SECISBP2: variants seen among roughly 807,000 people sequenced by gnomAD.
The protein encoded by SECISBP2 is SECIS binding protein 2.
Under a neutral mutation model 98.2 loss-of-function variants are expected in SECISBP2, and 96 were observed. The ratio of observed to expected loss-of-function variants is 0.98; its 90% CI spans 0.83 to 1.16. SECISBP2 has a LOEUF of 1.16. Among genes scored for constraint, SECISBP2 ranks in the 50% most tolerant of loss-of-function variants. The pLI, the probability that SECISBP2 is intolerant of heterozygous loss-of-function variation, is 0.00. For synonymous variants in SECISBP2, 407 were observed against 370.2 expected (o/e 1.10, Z -1.14); for missense variants, 1,046 against 1,022.9 (o/e 1.02, Z -0.31).
intron 2 of SECISBP2, chr9:89,322,678 GAGA>G (rs1429815393): frequency 9.2e-5 from 14 of 152,212 alleles, no homozygotes; most frequent in African/African-American, 2.2e-4. Context: ...GATCAGCTAT[GAGA>G]AGAACTAGTG....
chr9:89,319,294 T>C (rs956182290), intron 1 of SECISBP2, among the ~76,000 whole-genome samples: 2 of 152,210 alleles, frequency 1.3e-5, no homozygotes, highest in Admixed American at 1.3e-4. Context: ...AGTTAAACAG[T>C]CCACGTGTAT....
In SECISBP2 at chr9:89,328,859, A is replaced by G. The variant is rs1212698442; in HGVS notation, c.774A>G (p.Val258=). The change falls in exon 5 of 17, where the codon GTA becomes GTG. Residue 258 remains valine, a synonymous_variant. Coordinates refer to ENST00000375807, the MANE Select transcript of SECISBP2 (RefSeq NM_024077.5). The part of the protein sequence containing the change: ...VSTDISLLRE[V]VKPAAVLSKG... Reference sequence around the variant, plus strand: ...CCGACATTTCTCTTCTAAGAGAAGTAGTAAAACCAGCTGCAGTGTTATCAA... The same window carrying G: ...CCGACATTTCTCTTCTAAGAGAAGTGGTAAAACCAGCTGCAGTGTTATCAA... The G allele has an allele frequency of 2.5e-6, 4 of 1,613,826 alleles. No homozygotes were observed. Among genetic ancestry groups the G allele is most frequent in the Non-Finnish European group, 3.4e-6 (4 of 1,179,778 alleles).
intron 13 of SECISBP2, among the ~76,000 whole-genome samples, chr9:89,350,411 G>A (rs1406086589): frequency 1.3e-5 from 2 of 152,222 alleles, no homozygotes; most frequent in African/African-American, 4.8e-5. Context: ...AGGGCCCAGA[G>A]AAATTTGTCC....
intron 14 of SECISBP2, among the ~76,000 whole-genome samples, chr9:89,355,849 C>T (rs1831986059): frequency 6.6e-6 from 1 of 152,224 alleles, no homozygotes; most frequent in African/African-American, 2.4e-5. Flanking sequence ...TGCTGTTCCT[C>T]ACATGCTGTT....
intron 14 of SECISBP2, chr9:89,356,955 C>T (rs1170202179): frequency 7.2e-6 from 2 of 277,862 alleles, no homozygotes; most frequent in Non-Finnish European, 1.4e-5. Flanking sequence ...GTGCACCAGC[C>T]TTGGCTGGTC....
chr9:89,321,126 T>C (rs1825732680), intron 2 of SECISBP2, among the ~76,000 whole-genome samples: 1 of 152,252 alleles, frequency 6.6e-6, no homozygotes, highest in South Asian at 2.1e-4. Context: ...ATTTTTCCAC[T>C]GTATTTCATC....
At chr9:89,363,753 C>T (rs373206900), downstream of SECISBP2, 1 of 1,612,868 alleles carries the variant, frequency 6.2e-7, no homozygotes, top group African/African-American at 1.3e-5. Context: ...GGTCTCATCA[C>T]AGCAACCTGC....
intron 2 of SECISBP2, among the ~76,000 whole-genome samples, chr9:89,320,546 C>A (rs1455895149): frequency 6.6e-6 from 1 of 152,070 alleles, no homozygotes; most frequent in African/African-American, 2.4e-5. Context: ...GGACTAGCAA[C>A]CATAGCTGCC....
chr9:89,320,027 G>T (rs1825448855), intron 2 of SECISBP2, among the ~76,000 whole-genome samples: 1 of 152,054 alleles, frequency 6.6e-6, no homozygotes, highest in African/African-American at 2.4e-5. Flanking sequence ...TTTCGGCAAA[G>T]AAATAGTAGA....
chr9:89,333,950 G>T (rs1283076477), intron 6 of SECISBP2: 3 of 896,900 alleles, frequency 3.3e-6, no homozygotes, highest in Non-Finnish European at 2.7e-6. Flanking sequence ...TTTACCCTTG[G>T]GGGTAGCCAC....
chr9:89,348,279 A>G (rs959045956), intron 12 of SECISBP2, 65 bp downstream of exon 12: 5 of 1,587,534 alleles, frequency 3.1e-6, no homozygotes, highest in Admixed American at 3.3e-5. Flanking sequence ...AGGATGAGCT[A>G]TGCTGAGCAA....
Position 89,350,805 on chromosome 9 carries a change from T to C in SECISBP2, c.2066T>C (p.Leu689Pro). ...CTCAAACACCTGAAGCTCAAAAAACTGAAATGTGTCATTATTTCTCCCAAC... is the reference window on the plus strand; with the variant it reads ...CTCAAACACCTGAAGCTCAAAAAACCGAAATGTGTCATTATTTCTCCCAAC... Reference protein sequence around the residue: ...EVLKHLKLKKLKCVIISPNCE... With the variant: ...EVLKHLKLKKPKCVIISPNCE... The change falls in exon 14 of 17, where the codon CTG becomes CCG. Residue 689 changes from leucine to proline, a missense_variant. By Grantham distance (98) the Leu-to-Pro change is moderately conservative. Transcript: ENST00000375807. 1 of 1,614,172 alleles carries C rather than the reference T, an allele frequency of 6.2e-7. No homozygotes were observed. Among genetic ancestry groups the C allele is most frequent in the Non-Finnish European group, 8.5e-7 (1 of 1,180,030 alleles).
intron 2 of SECISBP2, 38 bp downstream of exon 2, chr9:89,319,835 A>G (rs1825402172): frequency 3.7e-6 from 6 of 1,607,008 alleles, no homozygotes; most frequent in Non-Finnish European, 5.1e-6. Flanking sequence ...AGGGGCTTAC[A>G]TTTTGGATTT....
rs768205489 is a variant in SECISBP2, at chr9:89,334,658, AC to A, written c.1019del (p.Pro340HisfsTer56). ...SSADPKNVSI[P>X]SSEALSSDPS... ...CAGCAGATCCTAAAAATGTTAGTAT[AC>A]CATCTTCTGAAGCTTTATCTTCGGA... On this transcript the variant is annotated frameshift_variant, in exon 7 of 17. Transcript: ENST00000375807. LOFTEE classifies it high-confidence loss of function. 1.2e-6 allele frequency: 2 copies of A among 1,614,130 alleles called. No individual in the cohort carries two copies. The highest frequency in any genetic ancestry group is 1.7e-6 in the Non-Finnish European group (2 of 1,179,988).
intron 9 of SECISBP2, 55 bp from the exon 10 acceptor site, chr9:89,341,287 AAAAAG>A: frequency 2.6e-6 from 4 of 1,511,178 alleles, no homozygotes; most frequent in Non-Finnish European, 3.6e-6. Context: ...AGTTTTTTGT[AAAAAG>A]AAAAGCACAG....
At chr9:89,350,291 C>G (rs1003461939) in intron 13 of SECISBP2, among the ~76,000 whole-genome samples, 1 of 152,224 alleles carries the variant, frequency 6.6e-6, no homozygotes, top group African/African-American at 2.4e-5. Context: ...ACTCTGCCTT[C>G]TCCCCTGCCC....
intron 4 of SECISBP2, among the ~76,000 whole-genome samples, chr9:89,326,324 C>G (rs753202453): frequency 1.8e-4 from 28 of 152,212 alleles, no homozygotes; most frequent in Admixed American, 3.9e-4. Context: ...TGACTTCACT[C>G]ATAAACCATC....
chr9:89,334,833 C>A, intron 7 of SECISBP2, 103 bp downstream of exon 7: 1 of 887,518 alleles, frequency 1.1e-6, no homozygotes, highest in Non-Finnish European at 1.8e-6. Flanking sequence ...TTCAGTTTTG[C>A]TAGGGGAAAT....
At chr9:89,347,154 C>T (rs908138905) in intron 11 of SECISBP2, 106 bp downstream of exon 11, 1 of 1,158,314 alleles carries the variant, frequency 8.6e-7, no homozygotes, top group African/African-American at 1.5e-5. Context: ...ACTTGTATTA[C>T]TTGAATATGT....
Sources: gnomAD v4.1 joint callset for allele counts (sites outside exome capture counted in the v4.1 genomes callset) on GRCh38, gnomAD v4.1.1 for gene constraint, MANE v1.5 for transcripts, NCBI Gene and HGNC (gene_info 2026-07-23, HGNC 2026-07-21) for gene names.